Variants in MSI2 observed in about 807,000 individuals in gnomAD.
MSI2 encodes musashi RNA binding protein 2.
A neutral mutation model predicts 45.6 loss-of-function variants in MSI2; 17 were observed. The observed-to-expected ratio is 0.37, with a 90% CI of 0.26 to 0.56. MSI2 has a LOEUF of 0.56. Ranked by LOEUF, MSI2 falls within the 20% of genes least tolerant of loss-of-function variation. MSI2 has a pLI of 0.77. For synonymous variants in MSI2, 156 were observed against 158.2 expected, an observed-to-expected ratio of 0.99 and a Z score of 0.11; for missense variants, 293 against 444.2, an observed-to-expected ratio of 0.66 and a Z score of 3.06.
chr17:57,699,676 T>C, the MSI2 span, among the ~76,000 whole-genome samples: 3 of 152,210 alleles, frequency 2.0e-5, no homozygotes, highest in Non-Finnish European at 2.9e-5. Flanking sequence ...GATTAAATTG[T>C]TGGGCAAGTC....
At chr17:57,399,967 G>T (rs947693029) in intron 5 of MSI2, among the ~76,000 whole-genome samples, 9 of 152,164 alleles carry the variant, frequency 5.9e-5, no homozygotes, top group African/African-American at 2.2e-4. Flanking sequence ...CAGATACGCC[G>T]GGAGCCTCTG....
At chr17:57,549,974 G>A (rs2087265045) in intron 7 of MSI2, among the ~76,000 whole-genome samples, 1 of 152,208 alleles carries the variant, frequency 6.6e-6, no homozygotes, top group Admixed American at 6.5e-5. Flanking sequence ...AGCATTTGGA[G>A]GAGGGTTGAT....
chr17:57,637,167 G>A (rs1598480264), intron 10 of MSI2, among the ~76,000 whole-genome samples: 1 of 152,160 alleles, frequency 6.6e-6, no homozygotes, highest in African/African-American at 2.4e-5. Flanking sequence ...TGCGCCACCT[G>A]GCCCTGTGTA....
intron 11 of MSI2, among the ~76,000 whole-genome samples, chr17:57,668,594 CCT>C (rs1261435888): frequency 7.9e-6 from 1 of 126,242 alleles, no homozygotes; most frequent in Non-Finnish European, 1.6e-5. Flanking sequence ...TGCTGGCTGC[CCT>C]GTCAGCCCAG....
intron 6 of MSI2, among the ~76,000 whole-genome samples, chr17:57,486,147 C>T (rs1019351078): frequency 2.6e-5 from 4 of 152,236 alleles, no homozygotes; most frequent in Non-Finnish European, 5.9e-5. Flanking sequence ...TGAGTAGAAG[C>T]AGTGTTTTGG....
At chr17:57,397,258 T>G (rs1286875824) in intron 5 of MSI2, among the ~76,000 whole-genome samples, 1 of 152,210 alleles carries the variant, frequency 6.6e-6, no homozygotes, top group Non-Finnish European at 1.5e-5. Context: ...ATTTTTGTTT[T>G]TTTATAACCC....
At chr17:57,547,741 T>TACACACACACACACAC (rs34631177) in intron 7 of MSI2, among the ~76,000 whole-genome samples, 5 of 123,314 alleles carry the variant, frequency 4.1e-5, no homozygotes, top group Admixed American at 7.9e-5. Context: ...AGACAAAAAG[T>TACACACACACACACAC]ACACACACAC....
intron 11 of MSI2, among the ~76,000 whole-genome samples, chr17:57,673,150 C>G (rs1346843209): frequency 6.6e-6 from 1 of 152,176 alleles, no homozygotes; most frequent in African/African-American, 2.4e-5. Flanking sequence ...TTTGGTCTCC[C>G]GTGTATCTTT....
At chr17:57,622,268 G>A (rs1275072030) in intron 9 of MSI2, among the ~76,000 whole-genome samples, 1 of 115,228 alleles carries the variant, frequency 8.7e-6, no homozygotes. Context: ...GCACCAAGAG[G>A]TGCCCACAGT....
At chr17:57,418,366 G>A (rs900418614) in intron 6 of MSI2, among the ~76,000 whole-genome samples, 1 of 152,216 alleles carries the variant, frequency 6.6e-6, no homozygotes, top group African/African-American at 2.4e-5. Context: ...TTTAATGTAG[G>A]CACATGTCAG....
At chr17:57,403,130 T>C (rs978108795) in intron 6 of MSI2, among the ~76,000 whole-genome samples, 1 of 152,184 alleles carries the variant, frequency 6.6e-6, no homozygotes, top group Non-Finnish European at 1.5e-5. Flanking sequence ...TTTCGAGCCA[T>C]AACCTGCCTT....
At chr17:57,639,822 G>A (rs1910117316) in intron 10 of MSI2, among the ~76,000 whole-genome samples, 1 of 152,178 alleles carries the variant, frequency 6.6e-6, no homozygotes. Context: ...GAAGGTGCTG[G>A]GATTCAGGTA....
intron 6 of MSI2, among the ~76,000 whole-genome samples, chr17:57,526,383 G>GTT (rs1567877960): frequency 2.2e-5 from 2 of 90,602 alleles, no homozygotes; most frequent in Non-Finnish European, 4.2e-5. Context: ...GTGTGTGTGT[G>GTT]TGTGTGTGTG....
At position 57,610,673 on chromosome 17, in the gene MSI2, G is replaced by C. The variant is rs901799400; in HGVS notation, c.538-5297G>C. Among the ~76,000 whole-genome samples the C allele has an allele frequency of 7.5e-5, 7 of 93,616 alleles. 3 individuals carry two copies. In the Admixed American group the frequency reaches 7.5e-4, roughly 10 times the overall value. The allele number at this position is 93,616 out of a possible 152,430, so 61.4% of individuals were successfully genotyped here. On this transcript the variant is annotated intron_variant, in intron 8 of 13. Coordinates refer to ENST00000284073, the MANE Select transcript of MSI2 (RefSeq NM_138962.4). ...GAGGAGGCACCCAACCCAGTGGGCA[G>C]CAAGGACAAGAGTGTTAGCGACCAC... is the stretch of plus-strand genomic sequence containing the variant.
intron 5 of MSI2, among the ~76,000 whole-genome samples, chr17:57,320,284 G>A (rs1014082988): frequency 2.0e-5 from 3 of 152,176 alleles, no homozygotes; most frequent in Admixed American, 6.5e-5. Context: ...AGGTTGATCT[G>A]TATGAGGACT....
intron 8 of MSI2, among the ~76,000 whole-genome samples, chr17:57,599,861 G>A (rs1288515928): frequency 6.6e-6 from 1 of 152,160 alleles, no homozygotes; most frequent in Non-Finnish European, 1.5e-5. Context: ...GTTAGAGACT[G>A]GGTGACATAC....
At chr17:57,544,178 T>C (rs943696329) in intron 7 of MSI2, among the ~76,000 whole-genome samples, 1 of 152,156 alleles carries the variant, frequency 6.6e-6, no homozygotes, top group Non-Finnish European at 1.5e-5. Context: ...GACGTGGCCC[T>C]CGGTTGGTTT....
intron 6 of MSI2, among the ~76,000 whole-genome samples, chr17:57,494,135 G>T (rs1177020034): frequency 2.0e-5 from 3 of 152,214 alleles, no homozygotes; most frequent in Admixed American, 6.5e-5. Flanking sequence ...CACAGGTAAG[G>T]AAACAAGGCT....
At chr17:57,663,428 G>A (rs1458189741) in intron 11 of MSI2, among the ~76,000 whole-genome samples, 1 of 152,184 alleles carries the variant, frequency 6.6e-6, no homozygotes, top group African/African-American at 2.4e-5. Flanking sequence ...GGCTTGTGTA[G>A]CCGGGAAAGG....
Sources: gnomAD v4.1 joint callset for allele counts (sites outside exome capture counted in the v4.1 genomes callset) on GRCh38, gnomAD v4.1.1 for gene constraint, MANE v1.5 for transcripts, NCBI Gene and HGNC (gene_info 2026-07-23, HGNC 2026-07-21) for gene names.